ENPP5: variants seen among roughly 807,000 people sequenced by gnomAD.
ENPP5 encodes the protein ectonucleotide pyrophosphatase/phosphodiesterase family member 5, also known as E-NPP 5.
In ENPP5, 27 loss-of-function variants were observed where a neutral mutation model predicts 33.7. The ratio of observed to expected loss-of-function variants is 0.80; its 90% CI spans 0.59 to 1.11. The LOEUF (loss-of-function observed/expected upper bound fraction) is 1.11, where lower values mean the gene tolerates loss of function less well. Ranked by LOEUF, ENPP5 falls within the 50% of genes least tolerant of loss-of-function variation. The pLI is 0.00. For synonymous variants in ENPP5, 199 were observed against 200.5 expected, an observed-to-expected ratio of 0.99 and a Z score of 0.06; for missense variants, 552 against 579.2, an observed-to-expected ratio of 0.95 and a Z score of 0.48.
chr6:46,167,910 TCC>T lies in ENPP5; in HGVS notation c.351_352del (p.Trp117Ter), dbSNP rs1487835139. ...TGTGATCCATATTGGTGTCGCTTCT[TCC>T]CAAAACTTGGAATCATAAATATTCA... On this transcript the variant is annotated stop_gained and frameshift_variant, in exon 3 of 5. Coordinates refer to ENST00000371383, the MANE Select transcript of ENPP5 (RefSeq NM_001290072.2). LOFTEE classifies it high-confidence loss of function. 4.3e-6 allele frequency: 7 copies of T among 1,614,178 alleles called. No individual in the cohort carries two copies. Among genetic ancestry groups the T allele is most frequent in the Non-Finnish European group, 5.9e-6 (7 of 1,180,034 alleles).
chr6:46,168,403 A>G, intron 2 of ENPP5, 106 bp from the exon 3 acceptor site: 2 of 508,828 alleles, frequency 3.9e-6, no homozygotes, highest in South Asian at 9.0e-5. Flanking sequence ...TTCATAAATC[A>G]CAGCCTGGAA....
chr6:46,170,973 A>C lies in ENPP5; in HGVS notation c.-263T>G, dbSNP rs1390479351. The stretch of plus-strand genomic sequence containing the variant: ...GCTCAACTCTGGAGCGGAGCACCTG[A>C]CCGCGCCGCTTCCCCGCCCCGCCTC... On this transcript the variant is annotated 5_prime_UTR_variant, in exon 1 of 5. Transcript: ENST00000371383. 6.6e-6 allele frequency: 1 copy of C among 152,244 alleles called. No homozygotes were observed. Among genetic ancestry groups the C allele is most frequent in the Non-Finnish European group, 1.5e-5 (1 of 68,174 alleles). 9.4% of individuals were successfully genotyped at this position (152,244 alleles called of 1,614,324 possible).
chr6:46,163,216 C>CT (rs10583447), intron 4 of ENPP5, among the ~76,000 whole-genome samples: 3,988 of 149,078 alleles, frequency 0.027, 155 homozygotes, highest in African/African-American at 0.09. Flanking sequence ...ATTTGCATTT[C>CT]TTTTTTTTTT....
Position 46,167,854 on chromosome 6 carries a change from C to T in ENPP5, c.409G>A (p.Ala137Thr), listed in dbSNP as rs1764601509. ...TTTACATCTGTTCCGGGCCACATGGCTGCACCACTAGTATGTCCTGCCCTC... is the reference window on the plus strand; with the variant it reads ...TTTACATCTGTTCCGGGCCACATGGTTGCACCACTAGTATGTCCTGCCCTC... ...NQRAGHTSGA[A>T]MWPGTDVKIH... Residue 137 changes from alanine (A) to threonine (T), a missense_variant, in exon 3 of 5, where the codon GCC becomes ACC. Transcript: ENST00000371383. The T allele has an allele frequency of 6.2e-7, 1 of 1,614,060 alleles. No homozygotes were observed. Among genetic ancestry groups the T allele is most frequent in the Admixed American group, 1.7e-5 (1 of 60,004 alleles).
In ENPP5 at chr6:46,165,555, C is replaced by T; in HGVS notation, c.838G>A (p.Asp280Asn). ...AAILPKEGKF[D>N]EVYEALTHAH... ...TGAGTTAGTGCTTCATAGACTTCAT[C>T]AAATTTACCTAAAGAGAAGGGAGGA... Residue 280 changes from aspartate (D) to asparagine (N), a missense_variant, in exon 4 of 5, where the codon GAT (aspartate) becomes AAT (asparagine). Physicochemically the swap from Asp to Asn is conservative, Grantham distance 23. Coordinates refer to ENST00000371383, the MANE Select transcript of ENPP5 (RefSeq NM_001290072.2). The T allele has an allele frequency of 6.4e-7, 1 of 1,564,804 alleles. No homozygotes were observed. The highest frequency in any genetic ancestry group is 8.6e-7 in the Non-Finnish European group (1 of 1,162,908).
At position 46,164,198 on chromosome 6, in the gene ENPP5, C is replaced by G. The variant is rs539933076; in HGVS notation, c.1006+1189G>C. Among the ~76,000 whole-genome samples, 7 of 152,284 alleles carry G rather than the reference C, an allele frequency of 4.6e-5. No individual in the cohort carries two copies. In the East Asian group the frequency reaches 1.4e-3, roughly 29 times the overall value. ...GAGAAAATTTTCGCAACCTACTCAT[C>G]TGACAAAGGGCTAATATCCAGAATC... On this transcript the variant is annotated intron_variant, in intron 4 of 4. Transcript: ENST00000371383.
intron 3 of ENPP5, among the ~76,000 whole-genome samples, chr6:46,166,048 C>T (rs9472711): frequency 0.078 from 11,803 of 152,078 alleles, 523 homozygotes; most frequent in East Asian, 0.16. Flanking sequence ...ATGCGGTTAC[C>T]CAGGCACTGT....
At chr6:46,165,355 C>A in intron 4 of ENPP5, 32 bp downstream of exon 4, 2 of 1,478,150 alleles carry the variant, frequency 1.4e-6, no homozygotes, top group Non-Finnish European at 9.0e-7. Context: ...AAAAGTAATG[C>A]AGAATGGAAA....
Position 46,167,813 on chromosome 6 carries a change from A to G in ENPP5, c.450T>C (p.Phe150=). ...PGTDVKIHKR[F]PTHYMPYNES... ...CATTGTAAGGCATGTAATGAGTAGG[A>G]AAGCGCTTATGTATTTTTACATCTG... is the stretch of plus-strand genomic sequence containing the variant. Residue 150 remains phenylalanine (F), a synonymous_variant, in exon 3 of 5, where the codon TTT becomes TTC. Coordinates refer to ENST00000371383, the MANE Select transcript of ENPP5 (RefSeq NM_001290072.2). 1 of 1,614,094 alleles carries G rather than the reference A, an allele frequency of 6.2e-7. No individual in the cohort carries two copies. The highest frequency in any genetic ancestry group is 2.2e-5 in the East Asian group (1 of 44,886).
intron 3 of ENPP5, among the ~76,000 whole-genome samples, chr6:46,166,292 CTTTTTCTTTCTTT>C (rs1038051397): frequency 1.3e-5 from 2 of 149,740 alleles, no homozygotes; most frequent in Non-Finnish European, 3.0e-5. Flanking sequence ...CTCAGTCTCT[CTTTTTCTTTCTTT>C]TTTTTCTTTC....
At chr6:46,164,456 C>T (rs184747734) in intron 4 of ENPP5, among the ~76,000 whole-genome samples, 1 of 152,268 alleles carries the variant, frequency 6.6e-6, no homozygotes, top group East Asian at 1.9e-4. Flanking sequence ...AGTGGTCAAT[C>T]TTTAATTAAT....
chr6:46,164,114 A>G (rs1389767859), intron 4 of ENPP5, among the ~76,000 whole-genome samples: 1 of 152,208 alleles, frequency 6.6e-6, no homozygotes, highest in African/African-American at 2.4e-5. Context: ...ATTAAACTAA[A>G]GAGCTTCTGC....
In ENPP5 at chr6:46,165,384, C is replaced by G. The variant is rs1254663018; in HGVS notation, c.1006+3G>C. 7.7e-6 allele frequency: 12 copies of G among 1,557,660 alleles called. No homozygotes were observed. The highest frequency in any genetic ancestry group is 1.0e-5 in the Non-Finnish European group (12 of 1,159,214). ...ATGGAAAGAAATACTGTAACATACT[C>G]ACACAGAAAGTCATCTGACTTATTC... On this transcript the variant is annotated splice_donor_region_variant and intron_variant, in intron 4 of 4. Transcript: ENST00000371383.
chr6:46,161,541 C>T lies in ENPP5; in HGVS notation c.1219G>A (p.Val407Ile). ...DLLNSAMPRV[V>I]PYTQSTILLP... is the part of the protein sequence containing the mutation. ...AGTATAGTACTCTGTGTATAAGGGA[C>T]CACCCTTGGCATTGCTGAATTGAGC... Residue 407 changes from valine (V) to isoleucine (I), a missense_variant, in exon 5 of 5, where the codon GTC (valine) becomes ATC (isoleucine). Coordinates refer to ENST00000371383, the MANE Select transcript of ENPP5 (RefSeq NM_001290072.2). 2 of 1,613,844 alleles carry T rather than the reference C, an allele frequency of 1.2e-6. No homozygotes were observed. Among genetic ancestry groups the T allele is most frequent in the East Asian group, 2.2e-5 (1 of 44,874 alleles).
In ENPP5 at chr6:46,160,449, A is replaced by G. The variant is rs1052378105; in HGVS notation, c.*877T>C. Reference sequence around the variant, plus strand: ...TTAATAGTGATTTAATTTTCAAAGGAGCAAATAATTACAAACAAGAGAAAA... The same window carrying G: ...TTAATAGTGATTTAATTTTCAAAGGGGCAAATAATTACAAACAAGAGAAAA... On this transcript the variant is annotated 3_prime_UTR_variant, in exon 5 of 5. Coordinates refer to ENST00000371383, the MANE Select transcript of ENPP5 (RefSeq NM_001290072.2). 7.2e-5 allele frequency: 11 copies of G among 152,186 alleles called. No homozygotes were observed. The highest frequency in any genetic ancestry group is 2.2e-4 in the African/African-American group (9 of 41,446). 9.4% of individuals were successfully genotyped at this position (152,186 alleles called of 1,614,324 possible). A position where few individuals can be genotyped will look rare whatever the true frequency, so the allele number is the denominator to read the frequency against.
chr6:46,161,056 G>C lies in ENPP5; in HGVS notation c.*270C>G. The stretch of plus-strand genomic sequence containing the variant: ...AAGTTGCTAAATATATACATTATCT[G>C]CGCCAAGTCCAAATAAAGCAGGATC... On this transcript the variant is annotated 3_prime_UTR_variant, in exon 5 of 5. Transcript: ENST00000371383. 1 of 406,912 alleles carries C rather than the reference G, an allele frequency of 2.5e-6. No individual in the cohort carries two copies. Among genetic ancestry groups the C allele is most frequent in the South Asian group, 3.4e-5 (1 of 29,240 alleles). The allele number at this position is 406,912 out of a possible 1,614,324, so 25.2% of individuals were successfully genotyped here. A position where few individuals can be genotyped will look rare whatever the true frequency, so the allele number is the denominator to read the frequency against.
Position 46,167,656 on chromosome 6 carries a change from G to A in ENPP5, c.607C>T (p.Leu203Phe), listed in dbSNP as rs377500881. 6.2e-6 allele frequency: 10 copies of A among 1,614,040 alleles called. No individual in the cohort carries two copies. The South Asian group carries it at 8.8e-5, about 14-fold the overall frequency. The change falls in exon 3 of 5, where the codon CTC becomes TTC. Residue 203 changes from leucine (L) to phenylalanine (F), a missense_variant. Physicochemically the swap from Leu to Phe is conservative, Grantham distance 22. Transcript: ENST00000371383. Reference sequence around the variant, plus strand: ...ATATCTGAAATGACAGGCCCCATGAGCGGACTGTCAGGTCCCAAATGGTGG... The same window carrying A: ...ATATCTGAAATGACAGGCCCCATGAACGGACTGTCAGGTCCCAAATGGTGG... ...MGHHLGPDSP[L>F]MGPVISDIDK...
Position 46,167,519 on chromosome 6 carries a change from C to A in ENPP5, c.744G>T (p.Arg248Ser), listed in dbSNP as rs1165889175. ...DHGMTQCSEE[R>S]LIELDQYLDK... ...CCAGGTACTGGTCAAGTTCTATTAA[C>A]CTTTCCTCAGAGCACTGCGTCATTC... Residue 248 changes from arginine (R) to serine (S), a missense_variant, in exon 3 of 5, where the codon AGG becomes AGT. Physicochemically the swap from Arg to Ser is moderately radical, Grantham distance 110. Transcript: ENST00000371383. The A allele has an allele frequency of 6.2e-7, 1 of 1,614,078 alleles. No individual in the cohort carries two copies. Among genetic ancestry groups the A allele is most frequent in the African/African-American group, 1.3e-5 (1 of 74,930 alleles).
In ENPP5 at chr6:46,165,447, T is replaced by C. The variant is rs1212302988; in HGVS notation, c.946A>G (p.Ile316Val). Residue 316 changes from isoleucine to valine, a missense_variant, in exon 4 of 5, where the codon ATC becomes GTC. Coordinates refer to ENST00000371383, the MANE Select transcript of ENPP5 (RefSeq NM_001290072.2). Reference sequence around the variant, plus strand: ...CACCCTTCATCAGCCACTGCTATGATTGGTTGAATTCGACTGTTGTATTTG... The same window carrying C: ...CACCCTTCATCAGCCACTGCTATGACTGGTTGAATTCGACTGTTGTATTTG... The part of the protein sequence containing the change: ...HYKYNSRIQP[I>V]IAVADEGWHI... 16 of 1,609,358 alleles carry C rather than the reference T, an allele frequency of 9.9e-6. No homozygotes were observed. The highest frequency in any genetic ancestry group is 7.8e-5 in the South Asian group (7 of 89,770).
Sources: allele counts gnomAD v4.1 joint callset (sites outside exome capture counted in the v4.1 genomes callset), GRCh38; gene constraint gnomAD v4.1.1; transcripts MANE v1.5; gene names NCBI Gene and HGNC (gene_info 2026-07-23, HGNC 2026-07-21).